SYCP1: variants seen among roughly 807,000 people sequenced by gnomAD.
The protein encoded by SYCP1 is synaptonemal complex protein 1, also known as cancer/testis antigen 8.
SYCP1 carries 64 observed loss-of-function variants against 153.1 expected under a neutral mutation model. That is an observed-to-expected ratio of 0.42 (90% CI 0.34 to 0.51). SYCP1 has a LOEUF of 0.51. Ranked by LOEUF, SYCP1 falls within the 20% of genes least tolerant of loss-of-function variation. The probability of loss-of-function intolerance (pLI) is 0.06; values close to 1 mark genes in which losing one functional copy is unlikely to be tolerated. For synonymous variants in SYCP1, 384 were observed against 341.8 expected, an observed-to-expected ratio of 1.12 and a Z score of -1.36; for missense variants, 997 against 1,049.0, an observed-to-expected ratio of 0.95 and a Z score of 0.68.
At chr1:114,863,692 G>A (rs927842015) in intron 8 of SYCP1, among the ~76,000 whole-genome samples, 5 of 152,152 alleles carry the variant, frequency 3.3e-5, no homozygotes, top group African/African-American at 1.2e-4. Flanking sequence ...CAGTGATGAT[G>A]AGCTTTTTTT....
At chr1:114,900,439 C>T (rs1667355666) in intron 16 of SYCP1, among the ~76,000 whole-genome samples, 2 of 152,096 alleles carry the variant, frequency 1.3e-5, no homozygotes, top group South Asian at 2.1e-4. Context: ...CACCACCATG[C>T]CTGGCTAATT....
At chr1:114,907,025 T>C (rs531924537) in intron 16 of SYCP1, among the ~76,000 whole-genome samples, 1 of 152,320 alleles carries the variant, frequency 6.6e-6, no homozygotes, top group East Asian at 1.9e-4. Flanking sequence ...ACTTCACATT[T>C]ATATCTAACT....
At chr1:114,863,973 G>T (rs986751946) in intron 8 of SYCP1, among the ~76,000 whole-genome samples, 21 of 151,456 alleles carry the variant, frequency 1.4e-4, no homozygotes, top group Non-Finnish European at 2.7e-4. Context: ...GGCCTGTTGG[G>T]GGGTGGGGGG....
At chr1:114,922,670 G>A (rs1321784046) in intron 20 of SYCP1, among the ~76,000 whole-genome samples, 1 of 151,984 alleles carries the variant, frequency 6.6e-6, no homozygotes, top group Non-Finnish European at 1.5e-5. Context: ...AAATTTGGGT[G>A]AGAGCAAATA....
At chr1:114,871,797 A>C (rs970917665) in intron 8 of SYCP1, among the ~76,000 whole-genome samples, 3 of 151,606 alleles carry the variant, frequency 2.0e-5, no homozygotes, top group African/African-American at 7.3e-5. Context: ...TGTTGGCCAG[A>C]CTGGTCTTGA....
chr1:114,909,495 T>TACAC (rs57520899), intron 16 of SYCP1, among the ~76,000 whole-genome samples: 2,202 of 106,450 alleles, frequency 0.021, 35 homozygotes, highest in African/African-American at 0.053. Context: ...TCCCTTGCTG[T>TACAC]ACACACACAC....
Position 114,947,281 on chromosome 1 carries a change from G to T in SYCP1, c.2283G>T (p.Leu761Phe), listed in dbSNP as rs1670771980. The T allele has an allele frequency of 3.1e-6, 5 of 1,612,758 alleles. No individual in the cohort carries two copies. The highest frequency in any genetic ancestry group is 3.4e-6 in the Non-Finnish European group (4 of 1,179,550). ...IELSNLKAEL[L>F]SVKKQLEIER... Reference sequence around the variant, plus strand: ...TATCCAATCTCAAAGCTGAACTTTTGTCTGTTAAGAAGCAACTTGAAATAG... The same window carrying T: ...TATCCAATCTCAAAGCTGAACTTTTTTCTGTTAAGAAGCAACTTGAAATAG... The change falls in exon 27 of 32, where the codon TTG becomes TTT. Residue 761 changes from leucine (L) to phenylalanine (F), a missense_variant. Around this residue, in one of 2 missense-constraint regions of SYCP1, gnomAD observed 712 missense variants for 682.9 expected, o/e 1.04. Transcript: ENST00000369522.
chr1:114,962,358 T>A (rs1184409027), intron 27 of SYCP1, among the ~76,000 whole-genome samples: 1 of 152,156 alleles, frequency 6.6e-6, no homozygotes, highest in Admixed American at 6.5e-5. Context: ...GGTGCATATA[T>A]TTTTAGGTCT....
At chr1:114,971,951 C>T (rs943934371) in intron 27 of SYCP1, among the ~76,000 whole-genome samples, 2 of 151,954 alleles carry the variant, frequency 1.3e-5, no homozygotes, top group African/African-American at 4.8e-5. Context: ...TTGGAAGTAA[C>T]CCCCTCTCCT....
In SYCP1 at chr1:114,977,572, G is replaced by T; in HGVS notation, c.2338G>T (p.Glu780Ter). ...EREEKEKLKR[E>*]AKENTATLKE... ...TTTTTAATAGGAAAAACTCAAAAGA[G>T]AGGCAAAAGAAAACACAGCTACTCT... Residue 780 changes from glutamate to a stop codon, truncating the protein, a stop_gained, in exon 28 of 32, where the codon GAG (glutamate) becomes TAG (stop). Transcript: ENST00000369522. LOFTEE classifies it high-confidence loss of function. 1 of 1,491,056 alleles carries T rather than the reference G, an allele frequency of 6.7e-7. No individual in the cohort carries two copies. Among genetic ancestry groups the T allele is most frequent in the East Asian group, 2.5e-5 (1 of 40,088 alleles). 92.4% of individuals were successfully genotyped at this position (1,491,056 alleles called of 1,614,324 possible).
intron 8 of SYCP1, among the ~76,000 whole-genome samples, chr1:114,867,499 T>G (rs564335925): frequency 1.2e-4 from 18 of 151,974 alleles, no homozygotes; most frequent in African/African-American, 4.1e-4. Flanking sequence ...AAGTATTTCA[T>G]TTTTTTTGTA....
At chr1:114,884,062 A>T (rs1334995114) in intron 12 of SYCP1, among the ~76,000 whole-genome samples, 1 of 152,152 alleles carries the variant, frequency 6.6e-6, no homozygotes, top group Non-Finnish European at 1.5e-5. Context: ...TTTTTTCAGA[A>T]TGGAATTTTA....
rs758676495 is a variant in SYCP1, at chr1:114,995,055, C to T, written c.*36C>T. 12 of 1,530,684 alleles carry T rather than the reference C, an allele frequency of 7.8e-6. No individual in the cohort carries two copies. The highest frequency in any genetic ancestry group is 4.3e-5 in the Admixed American group (2 of 46,850). 94.8% of individuals were successfully genotyped at this position (1,530,684 alleles called of 1,614,324 possible). A position where few individuals can be genotyped will look rare whatever the true frequency, so the allele number is the denominator to read the frequency against. ...TCAGTGTAGTTAAGGAGCCTAATAA[C>T]GTGAAACTTATAGTTAATATTTTGT... On this transcript the variant is annotated 3_prime_UTR_variant, in exon 32 of 32. Coordinates refer to ENST00000369522, the MANE Select transcript of SYCP1 (RefSeq NM_003176.4).
chr1:114,948,371 G>A (rs770462268), intron 27 of SYCP1, among the ~76,000 whole-genome samples: 1 of 152,020 alleles, frequency 6.6e-6, no homozygotes, highest in African/African-American at 2.4e-5. Flanking sequence ...TCAGGATTAC[G>A]TAGTAAGAGA....
intron 7 of SYCP1, 53 bp from the exon 8 acceptor site, chr1:114,860,678 ATTGTG>A (rs1664308280): frequency 9.1e-7 from 1 of 1,095,156 alleles, no homozygotes; most frequent in East Asian, 2.5e-5. Context: ...TAACTTATAT[ATTGTG>A]ATTTTGCTTT....
chr1:114,922,226 A>T (rs1668941163), intron 20 of SYCP1, among the ~76,000 whole-genome samples: 1 of 152,006 alleles, frequency 6.6e-6, no homozygotes, highest in Non-Finnish European at 1.5e-5. Context: ...TTCTACCCTT[A>T]TCTCTGTCTC....
intron 27 of SYCP1, among the ~76,000 whole-genome samples, chr1:114,976,115 T>C (rs1339729): frequency 6.9e-4 from 105 of 151,808 alleles, no homozygotes; most frequent in Admixed American, 2.4e-3. Flanking sequence ...CAATTACCCA[T>C]GTCTTAATAT....
rs1663834869 is a variant in SYCP1 at position 114,855,035 on chromosome 1, C to T, written c.-25+17C>T. ...TCTTCAAAGGTGAGGGCAGGTGCCC[C>T]GAGTTATTTTCCTGGGGACTGAGCC... On this transcript the variant is annotated intron_variant, in intron 1 of 31. Coordinates refer to ENST00000369522, the MANE Select transcript of SYCP1 (RefSeq NM_003176.4). The T allele has an allele frequency of 6.5e-6, 1 of 152,734 alleles. No homozygotes were observed. Among genetic ancestry groups the T allele is most frequent in the Admixed American group, 6.5e-5 (1 of 15,316 alleles). 9.5% of individuals were successfully genotyped at this position (152,734 alleles called of 1,614,324 possible). A position where few individuals can be genotyped will look rare whatever the true frequency, so the allele number is the denominator to read the frequency against.
chr1:114,972,056 C>T (rs940791135), intron 27 of SYCP1, among the ~76,000 whole-genome samples: 2 of 151,756 alleles, frequency 1.3e-5, no homozygotes, highest in African/African-American at 4.8e-5. Flanking sequence ...CTAGGTTTTT[C>T]TTTGCTGGGA....
Sources: allele counts gnomAD v4.1 joint callset (sites outside exome capture counted in the v4.1 genomes callset), GRCh38; gene constraint gnomAD v4.1.1; regional missense constraint gnomAD v4.1.1; transcripts MANE v1.5; gene names NCBI Gene and HGNC (gene_info 2026-07-23, HGNC 2026-07-21).